The following LRRC4C variants were observed in gnomAD, a reference collection of about 807,000 sequenced individuals.
LRRC4C encodes leucine-rich repeat-containing protein 4C.
In LRRC4C, 5 loss-of-function variants were observed where a neutral mutation model predicts 33.6. The observed-to-expected ratio is 0.15, with a 90% CI of 0.08 to 0.31. The LOEUF (loss-of-function observed/expected upper bound fraction) is 0.31, where lower values mean the gene tolerates loss of function less well. Ranked by LOEUF, LRRC4C falls within the 10% of genes least tolerant of loss-of-function variation. The pLI is 1.00. For synonymous variants in LRRC4C, 329 were observed against 302.0 expected, an observed-to-expected ratio of 1.09 and a Z score of -0.93; for missense variants, 560 against 796.7, an observed-to-expected ratio of 0.70 and a Z score of 3.58.
intron 2 of LRRC4C, among the ~76,000 whole-genome samples, chr11:40,768,301 A>T (rs1270477591): frequency 6.6e-6 from 1 of 152,234 alleles, no homozygotes; most frequent in East Asian, 1.9e-4. Flanking sequence ...AATAACAATT[A>T]ATGTGATTAA....
chr11:41,345,762 A>T (rs1261855124), intron 1 of LRRC4C, among the ~76,000 whole-genome samples: 1 of 152,148 alleles, frequency 6.6e-6, no homozygotes, highest in African/African-American at 2.4e-5. Context: ...TCCGCACTAG[A>T]TACGATAGAA....
intron 2 of LRRC4C, among the ~76,000 whole-genome samples, chr11:40,849,543 A>T (rs1953372720): frequency 6.6e-6 from 1 of 151,968 alleles, no homozygotes; most frequent in Non-Finnish European, 1.5e-5. Context: ...TTTGTGGGTA[A>T]CCTTTCTCTC....
In LRRC4C at chr11:40,932,645, T is replaced by C. The variant is rs373706699; in HGVS notation, c.-407+990A>G. 2.6e-5 allele frequency among the ~76,000 whole-genome samples: 4 copies of C among 151,862 alleles called. No homozygotes were observed. In the South Asian group the frequency reaches 8.3e-4, roughly 32 times the overall value. ...TGAGGGATTATTTTGGAAAATAGAG[T>C]ATAGGTAAAGATAAAGAGATATTTT... On this transcript the variant is annotated intron_variant, in intron 2 of 6. Transcript: ENST00000528697.
chr11:40,489,284 T>C (rs915888534), intron 3 of LRRC4C, among the ~76,000 whole-genome samples: 2 of 152,080 alleles, frequency 1.3e-5, no homozygotes, highest in Admixed American at 6.6e-5. Context: ...TTTATGTAAG[T>C]CACTCTCTGC....
chr11:40,192,074 T>TC (rs1861888451), intron 5 of LRRC4C, among the ~76,000 whole-genome samples: 1 of 152,148 alleles, frequency 6.6e-6, no homozygotes, highest in African/African-American at 2.4e-5. Flanking sequence ...TCTGAAAGAT[T>TC]AGACATTGAT....
At chr11:40,959,825 T>C (rs547514261) in intron 1 of LRRC4C, among the ~76,000 whole-genome samples, 24 of 151,808 alleles carry the variant, frequency 1.6e-4, no homozygotes, top group African/African-American at 4.8e-4. Flanking sequence ...CAGTCAGTTA[T>C]GCAAAAACAA....
chr11:40,325,453 G>A (rs1024212615), intron 3 of LRRC4C, among the ~76,000 whole-genome samples: 8 of 151,930 alleles, frequency 5.3e-5, no homozygotes, highest in Non-Finnish European at 8.8e-5. Flanking sequence ...GCAATATAGC[G>A]AGGCCCCATC....
intron 1 of LRRC4C, among the ~76,000 whole-genome samples, chr11:41,128,613 C>T (rs557622899): frequency 1.3e-5 from 2 of 152,090 alleles, no homozygotes; most frequent in South Asian, 4.1e-4. Context: ...TTGTTTAATT[C>T]ATTTGCCATA....
At chr11:40,852,757 AT>A (rs1953573433) in intron 2 of LRRC4C, among the ~76,000 whole-genome samples, 1 of 152,216 alleles carries the variant, frequency 6.6e-6, no homozygotes, top group African/African-American at 2.4e-5. Flanking sequence ...AACTGTTGCA[AT>A]TCTCAGATAT....
intron 1 of LRRC4C, among the ~76,000 whole-genome samples, chr11:41,076,864 A>G (rs1939188677): frequency 6.6e-6 from 1 of 152,222 alleles, no homozygotes; most frequent in African/African-American, 2.4e-5. Context: ...TAAAATCAAA[A>G]GCAAGTTAAT....
At chr11:41,099,387 A>G (rs749488832) in intron 1 of LRRC4C, among the ~76,000 whole-genome samples, 14 of 151,120 alleles carry the variant, frequency 9.3e-5, no homozygotes, top group Admixed American at 2.0e-4. Flanking sequence ...ATAAAAAAAA[A>G]AAGAAAAAAA....
At chr11:41,227,606 C>A (rs527393783) in intron 1 of LRRC4C, among the ~76,000 whole-genome samples, 1 of 152,182 alleles carries the variant, frequency 6.6e-6, no homozygotes, top group South Asian at 2.1e-4. Context: ...CTCAAGGGAT[C>A]CTCCCATCTC....
intron 3 of LRRC4C, among the ~76,000 whole-genome samples, chr11:40,481,988 A>G (rs115209902): frequency 0.012 from 1,870 of 152,308 alleles, 43 homozygotes; most frequent in Admixed American, 0.036. Context: ...GGTTAAATAT[A>G]TTTGTAAAAG....
chr11:40,317,936 A>C (rs1285863408), intron 4 of LRRC4C, among the ~76,000 whole-genome samples: 1 of 152,156 alleles, frequency 6.6e-6, no homozygotes, highest in African/African-American at 2.4e-5. Context: ...AAGTGAACAC[A>C]GGCAGGATCA....
At chr11:40,325,060 T>G (rs566311120) in intron 3 of LRRC4C, among the ~76,000 whole-genome samples, 2 of 152,294 alleles carry the variant, frequency 1.3e-5, no homozygotes, top group Admixed American at 6.5e-5. Context: ...ACTTTATTAT[T>G]ATTATTAGTC....
At chr11:40,994,105 T>G (rs1853793035) in intron 1 of LRRC4C, among the ~76,000 whole-genome samples, 1 of 152,024 alleles carries the variant, frequency 6.6e-6, no homozygotes, top group Admixed American at 6.6e-5. Context: ...TTACTCAATT[T>G]TTTTGAAAAC....
chr11:40,208,324 C>T (rs533613979), intron 5 of LRRC4C, among the ~76,000 whole-genome samples: 1 of 152,188 alleles, frequency 6.6e-6, no homozygotes, highest in African/African-American at 2.4e-5. Context: ...GGAGGGAAGT[C>T]AATTGAAATT....
chr11:41,098,135 T>C (rs542269736), intron 1 of LRRC4C, among the ~76,000 whole-genome samples: 5 of 152,146 alleles, frequency 3.3e-5, no homozygotes, highest in African/African-American at 1.2e-4. Context: ...GACACTAACA[T>C]GGGGGGCTGC....
intron 1 of LRRC4C, among the ~76,000 whole-genome samples, chr11:41,187,414 C>T (rs1421213327): frequency 4.6e-5 from 7 of 152,148 alleles, no homozygotes; most frequent in Non-Finnish European, 1.0e-4. Context: ...CAGCAGACCA[C>T]AGACCAGTAG....
Sources: allele counts gnomAD v4.1 joint callset (sites outside exome capture counted in the v4.1 genomes callset), GRCh38; gene constraint gnomAD v4.1.1; transcripts MANE v1.5; gene names NCBI Gene and HGNC (gene_info 2026-07-23, HGNC 2026-07-21).